Variants in KIAA0319L observed in about 807,000 individuals in gnomAD.
KIAA0319L encodes the protein KIAA0319 like, also known as dyslexia-associated protein KIAA0319-like protein.
A neutral mutation model predicts 120.1 loss-of-function variants in KIAA0319L; 55 were observed. That is an observed-to-expected ratio of 0.46 (90% CI 0.37 to 0.57). The LOEUF (loss-of-function observed/expected upper bound fraction) is 0.57. KIAA0319L is among the 20% of genes least tolerant of loss of function. The pLI is 0.00. For synonymous variants in KIAA0319L, 398 were observed against 471.9 expected, an observed-to-expected ratio of 0.84 and a Z score of 2.03; for missense variants, 1,049 against 1,255.3, an observed-to-expected ratio of 0.84 and a Z score of 2.48.
chr1:35,504,403 A>G (rs747747291), intron 3 of KIAA0319L, among the ~76,000 whole-genome samples: 4 of 152,094 alleles, frequency 2.6e-5, no homozygotes, highest in Non-Finnish European at 4.4e-5. Context: ...TCACCGTGTT[A>G]TCCAGAATGG....
At chr1:35,549,176 G>A (rs938199455) in intron 2 of KIAA0319L, among the ~76,000 whole-genome samples, 9 of 151,440 alleles carry the variant, frequency 5.9e-5, no homozygotes, top group Non-Finnish European at 1.3e-4. Flanking sequence ...TCAGCCTTTC[G>A]AGTAGCTAGG....
In KIAA0319L at chr1:35,456,086, G is replaced by A; in HGVS notation, c.1583C>T (p.Thr528Ile). 4 of 1,614,090 alleles carry A rather than the reference G, an allele frequency of 2.5e-6. No homozygotes were observed. Among genetic ancestry groups the A allele is most frequent in the Middle Eastern group, 3.3e-4 (2 of 6,062 alleles). Residue 528 changes from threonine to isoleucine, a missense_variant, in exon 10 of 21, where the codon ACT becomes ATT. Thr to Ile is a moderately conservative substitution (Grantham distance 89). Coordinates refer to ENST00000325722, the MANE Select transcript of KIAA0319L (RefSeq NM_024874.5). Reference sequence around the variant, plus strand: ...ATAGCTGGTGATGCCATGATCATCAGTGCTCTGGTTCCCAAAGAGGGTGAT... The same window carrying A: ...ATAGCTGGTGATGCCATGATCATCAATGCTCTGGTTCCCAAAGAGGGTGAT... The part of the protein sequence containing the change: ...NSITLFGNQS[T>I]DDHGITSYEW...
At chr1:35,444,509 T>C (rs1434239744) in intron 16 of KIAA0319L, among the ~76,000 whole-genome samples, 1 of 152,202 alleles carries the variant, frequency 6.6e-6, no homozygotes. Flanking sequence ...AGGGGTTAAG[T>C]AACTTGCCCA....
intron 2 of KIAA0319L, among the ~76,000 whole-genome samples, chr1:35,515,868 AT>A (rs1469386003): frequency 4.6e-5 from 7 of 151,828 alleles, no homozygotes; most frequent in African/African-American, 1.7e-4. Context: ...GATGAAGAGG[AT>A]GTTACCACTG....
At chr1:35,508,040 TC>T (rs1645270422) in intron 2 of KIAA0319L, among the ~76,000 whole-genome samples, 1 of 152,228 alleles carries the variant, frequency 6.6e-6, no homozygotes, top group African/African-American at 2.4e-5. Context: ...TTATGTGAGT[TC>T]ATTTTAAGGT....
chr1:35,545,111 G>A (rs546716048), intron 2 of KIAA0319L, among the ~76,000 whole-genome samples: 4 of 152,256 alleles, frequency 2.6e-5, no homozygotes, highest in South Asian at 4.1e-4. Flanking sequence ...CTGCCAGTCC[G>A]TGGCTAGACT....
chr1:35,513,888 A>G (rs1645574369), intron 2 of KIAA0319L, among the ~76,000 whole-genome samples: 1 of 152,232 alleles, frequency 6.6e-6, no homozygotes, highest in African/African-American at 2.4e-5. Flanking sequence ...CAAGGTTCAC[A>G]TTCATTTACA....
At position 35,479,207 on chromosome 1, in the gene KIAA0319L, G is replaced by A. The variant is rs770136446; in HGVS notation, c.672C>T (p.His224=). 6.2e-7 allele frequency: 1 copy of A among 1,612,234 alleles called. No individual in the cohort carries two copies. The change falls in exon 4 of 21, where the codon CAC becomes CAT. Residue 224 remains histidine, a synonymous_variant. Transcript: ENST00000325722. ...GLTTSGSAEV[H]KAITISSPLT... ...GGGGACTGGAAATTGTAATCGCCTTGTGGACCTAAAGAAATAAAAAAACTA... is the reference window on the plus strand; with the variant it reads ...GGGGACTGGAAATTGTAATCGCCTTATGGACCTAAAGAAATAAAAAAACTA...
chr1:35,534,885 A>G (rs1326743513), intron 2 of KIAA0319L, among the ~76,000 whole-genome samples: 1 of 142,474 alleles, frequency 7.0e-6, no homozygotes, highest in Non-Finnish European at 1.5e-5. Context: ...AAAAAAAAAG[A>G]AAGAAAAACA....
chr1:35,525,601 T>C (rs1396513780), intron 2 of KIAA0319L, among the ~76,000 whole-genome samples: 1 of 152,218 alleles, frequency 6.6e-6, no homozygotes, highest in Non-Finnish European at 1.5e-5. Context: ...TAATAATTAG[T>C]GATGTTGAAC....
intron 3 of KIAA0319L, among the ~76,000 whole-genome samples, chr1:35,504,840 G>A (rs11264165): frequency 6.6e-6 from 1 of 151,946 alleles, no homozygotes; most frequent in Non-Finnish European, 1.5e-5. Flanking sequence ...AGGCCTCAAG[G>A]TTCTGCATAC....
At position 35,530,253 on chromosome 1, in the gene KIAA0319L, T is replaced by C. The variant is rs903461199; in HGVS notation, c.143-23118A>G. Among the ~76,000 whole-genome samples, 130 of 151,530 alleles carry C rather than the reference T, an allele frequency of 8.6e-4. 1 individual carries two copies. The highest frequency in any genetic ancestry group is 5.9e-5 in the Non-Finnish European group (4 of 67,870). On this transcript the variant is annotated intron_variant, in intron 2 of 20. Coordinates refer to ENST00000325722, the MANE Select transcript of KIAA0319L (RefSeq NM_024874.5). ...TTCACTATGTTGCCCATCTAACTCC[T>C]GGACTCAAGCGATCTGCTTGTTTCA...
chr1:35,440,827 C>G, intron 20 of KIAA0319L: 1 of 563,442 alleles, frequency 1.8e-6, no homozygotes, highest in South Asian at 2.3e-5. Flanking sequence ...AGGCCCAGCA[C>G]CCCCGCCAAG....
chr1:35,450,459 G>T lies in KIAA0319L; in HGVS notation c.2113C>A (p.Leu705Ile), dbSNP rs1197149082. The change falls in exon 14 of 21, where the codon CTA (leucine) becomes ATA (isoleucine). Residue 705 changes from leucine to isoleucine, a missense_variant. Physicochemically the swap from Leu to Ile is conservative, Grantham distance 5. Coordinates refer to ENST00000325722, the MANE Select transcript of KIAA0319L (RefSeq NM_024874.5). Reference sequence around the variant, plus strand: ...TCCAGCTCTGCTGTGCTCGTGGGTAGGGTAATCACCACATTCCCAGTTATC... The same window carrying T: ...TCCAGCTCTGCTGTGCTCGTGGGTATGGTAATCACCACATTCCCAGTTATC... The part of the protein sequence containing the change: ...AKITGNVVIT[L>I]PTSTAELDGS... The T allele has an allele frequency of 6.2e-7, 1 of 1,613,986 alleles. No homozygotes were observed. Among genetic ancestry groups the T allele is most frequent in the Non-Finnish European group, 8.5e-7 (1 of 1,179,840 alleles).
chr1:35,544,994 G>T (rs551250537), intron 2 of KIAA0319L, among the ~76,000 whole-genome samples: 1 of 152,246 alleles, frequency 6.6e-6, no homozygotes, highest in East Asian at 1.9e-4. Context: ...GGGTCTCACT[G>T]AGCCCAGGAA....
intron 3 of KIAA0319L, among the ~76,000 whole-genome samples, chr1:35,495,139 G>A (rs1359461691): frequency 6.6e-6 from 1 of 152,028 alleles, no homozygotes; most frequent in East Asian, 1.9e-4. Flanking sequence ...TTGAGAGGAC[G>A]AGGCAGGTGG....
At chr1:35,446,960 C>T (rs1641669184) in intron 16 of KIAA0319L, among the ~76,000 whole-genome samples, 1 of 152,152 alleles carries the variant, frequency 6.6e-6, no homozygotes, top group South Asian at 2.1e-4. Context: ...ATACTGGTTT[C>T]GCCTGCCTTC....
chr1:35,450,751 T>C (rs1054186734), intron 13 of KIAA0319L, among the ~76,000 whole-genome samples: 19 of 152,162 alleles, frequency 1.2e-4, no homozygotes, highest in African/African-American at 4.6e-4. Context: ...CGAGTGTGCT[T>C]TCCTCTCATA....
chr1:35,451,587 A>T, intron 13 of KIAA0319L, 41 bp downstream of exon 13: 1 of 1,589,350 alleles, frequency 6.3e-7, no homozygotes, highest in South Asian at 1.1e-5. Flanking sequence ...CAGCTATCTG[A>T]CCCTAAGAGG....
Sources: allele counts gnomAD v4.1 joint callset (sites outside exome capture counted in the v4.1 genomes callset), GRCh38; gene constraint gnomAD v4.1.1; transcripts MANE v1.5; gene names NCBI Gene and HGNC (gene_info 2026-07-23, HGNC 2026-07-21).